The following TNS4 variants were observed in gnomAD, a reference collection of about 807,000 sequenced individuals.
TNS4 encodes tensin 4, also known as tensin-4.
A neutral mutation model predicts 70.4 loss-of-function variants in TNS4; 46 were observed. That is an observed-to-expected ratio of 0.65 (90% CI 0.52 to 0.84). The LOEUF is 0.84. Among genes scored for constraint, TNS4 ranks in the 40% least tolerant of loss-of-function variants. The pLI is 0.00. For synonymous variants in TNS4, 390 were observed against 366.6 expected, an observed-to-expected ratio of 1.06 and a Z score of -0.73; for missense variants, 863 against 907.0, an observed-to-expected ratio of 0.95 and a Z score of 0.62.
intron 11 of TNS4, 38 bp from the exon 12 acceptor site, chr17:40,478,371 C>T (rs200684294): frequency 2.4e-5 from 39 of 1,606,060 alleles, no homozygotes; most frequent in African/African-American, 4.0e-5. Flanking sequence ...AATGAGGCTT[C>T]GCTCCATGCC....
chr17:40,484,675 G>A (rs1210773821), intron 5 of TNS4, 66 bp from the exon 6 acceptor site: 1 of 1,595,068 alleles, frequency 6.3e-7, no homozygotes, highest in African/African-American at 1.3e-5. Flanking sequence ...CAGCCCCGTA[G>A]GGTCTTCACA....
chr17:40,488,597 A>T lies in TNS4; in HGVS notation c.812T>A (p.Ile271Asn). 6.6e-7 allele frequency: 1 copy of T among 1,514,236 alleles called. No homozygotes were observed. Among genetic ancestry groups the T allele is most frequent in the Non-Finnish European group, 8.8e-7 (1 of 1,131,442 alleles). The allele number at this position is 1,514,236 out of a possible 1,614,324, so 93.8% of individuals were successfully genotyped here. A position where few individuals can be genotyped will look rare whatever the true frequency, so the allele number is the denominator to read the frequency against. ...CACTGGGCTGGCTGACAGCACAGAGATCCTGCTGCCCCGCTGTGGGGCCAG... is the reference window on the plus strand; with the variant it reads ...CACTGGGCTGGCTGACAGCACAGAGTTCCTGCTGCCCCGCTGTGGGGCCAG... ...GGLAPQRGSR[I>N]SVLSASPVSD... is the part of the protein sequence containing the mutation. The change falls in exon 3 of 13, where the codon ATC becomes AAC. Residue 271 changes from isoleucine to asparagine, a missense_variant. By Grantham distance (149) the Ile-to-Asn change is moderately radical. Transcript: ENST00000254051.
chr17:40,477,683 C>A lies in TNS4; in HGVS notation c.2053G>T (p.Val685Leu). 2 of 1,613,744 alleles carry A rather than the reference C, an allele frequency of 1.2e-6. No individual in the cohort carries two copies. The highest frequency in any genetic ancestry group is 1.7e-6 in the Non-Finnish European group (2 of 1,179,922). Residue 685 changes from valine (V) to leucine (L), a missense_variant, in exon 13 of 13, where the codon GTA becomes TTA. Transcript: ENST00000254051. ...TCATACTCCGCAAAGAGGTGGCATA[C>A]GTTCTCCTGAGGCTCTGTCTGGCTC... Reference protein sequence around the residue: ...AKSQTEPQENVCHLFAEYDMV... With the variant: ...AKSQTEPQENLCHLFAEYDMV...
chr17:40,496,639 C>T (rs2036149378), intron 1 of TNS4, 119 bp from the exon 2 acceptor site: 4 of 565,742 alleles, frequency 7.1e-6, no homozygotes, highest in Non-Finnish European at 9.1e-6. Context: ...GGAGCCAGAC[C>T]ACCTGAGTTT....
At chr17:40,500,223 T>G (rs2036194500) in intron 1 of TNS4, among the ~76,000 whole-genome samples, 1 of 152,150 alleles carries the variant, frequency 6.6e-6, no homozygotes, top group Admixed American at 6.5e-5. Context: ...CCGCTGCCCC[T>G]TCTGGGATTC....
At chr17:40,501,125 A>C (rs2036209364) in intron 1 of TNS4, among the ~76,000 whole-genome samples, 1 of 151,584 alleles carries the variant, frequency 6.6e-6, no homozygotes, top group Admixed American at 6.6e-5. Context: ...CCCCACCTTC[A>C]CTCTGAGCCC....
At chr17:40,486,890 C>A in intron 4 of TNS4, 146 bp downstream of exon 4, 1 of 1,057,812 alleles carries the variant, frequency 9.5e-7, no homozygotes, top group African/African-American at 1.6e-5. Flanking sequence ...TAAACTGTTT[C>A]CCTCTGTGTG....
chr17:40,489,064 C>G, intron 2 of TNS4, 95 bp from the exon 3 acceptor site: 1 of 1,243,938 alleles, frequency 8.0e-7, no homozygotes, highest in Non-Finnish European at 1.1e-6. Flanking sequence ...TTCTGTCCCC[C>G]CTCTTTTATA....
Position 40,496,532 on chromosome 17 carries a change from C to A in TNS4, c.-95-12G>T. 1 of 1,215,090 alleles carries A rather than the reference C, an allele frequency of 8.2e-7. No homozygotes were observed. The highest frequency in any genetic ancestry group is 1.1e-6 in the Non-Finnish European group (1 of 893,234). 75.3% of individuals were successfully genotyped at this position (1,215,090 alleles called of 1,614,324 possible). A position where few individuals can be genotyped will look rare whatever the true frequency, so the allele number is the denominator to read the frequency against. On this transcript the variant is annotated splice_polypyrimidine_tract_variant and intron_variant, in intron 1 of 12. Coordinates refer to ENST00000254051, the MANE Select transcript of TNS4 (RefSeq NM_032865.6). ...GGAGCTCCCAGGATCTGAAAGAGTC[C>A]AAGAGTGGGAACGGAGTAATTTCTG...
At position 40,499,704 on chromosome 17, in the gene TNS4, TCCCG is replaced by T. The variant is rs1431952633; in HGVS notation, c.-96+1826_-96+1829del. Among the ~76,000 whole-genome samples the T allele has an allele frequency of 5.9e-5, 9 of 152,314 alleles. No homozygotes were observed. In the East Asian group the frequency reaches 1.7e-3, roughly 29 times the overall value. ...AGTGGAAGGGAGCCGGCCTCTGCGC[TCCCG>T]CCCTCCCGGGACAGCTGAGGACACA... On this transcript the variant is annotated intron_variant, in intron 1 of 12. Coordinates refer to ENST00000254051, the MANE Select transcript of TNS4 (RefSeq NM_032865.6).
intron 3 of TNS4, among the ~76,000 whole-genome samples, chr17:40,487,840 T>A (rs1490681159): frequency 6.6e-6 from 1 of 152,194 alleles, no homozygotes; most frequent in Non-Finnish European, 1.5e-5. Context: ...GAACCTACGC[T>A]GGACCACACC....
In TNS4 at chr17:40,487,044, C is replaced by T. The variant is rs1287499867; in HGVS notation, c.1280G>A (p.Cys427Tyr). ...QTLSDAPFTT[C>Y]PEGPARDMQP... ...ATTGGTTTACGACGTACCCTCTGGG[C>T]ATGTGGTAAAGGGGGCATCTGACAG... Residue 427 changes from cysteine to tyrosine, a missense_variant, in exon 4 of 13, where the codon TGC (cysteine) becomes TAC (tyrosine). Physicochemically the swap from Cys to Tyr is radical, Grantham distance 194. Transcript: ENST00000254051. 1 of 1,613,760 alleles carries T rather than the reference C, an allele frequency of 6.2e-7. No individual in the cohort carries two copies. Among genetic ancestry groups the T allele is most frequent in the Non-Finnish European group, 8.5e-7 (1 of 1,179,682 alleles).
chr17:40,475,845 C>T lies in TNS4; in HGVS notation c.*1743G>A, dbSNP rs892361253. 2 of 152,214 alleles carry T rather than the reference C, an allele frequency of 1.3e-5. No homozygotes were observed. The highest frequency in any genetic ancestry group is 4.8e-5 in the African/African-American group (2 of 41,456). 9.4% of individuals were successfully genotyped at this position (152,214 alleles called of 1,614,324 possible). Reference sequence around the variant, plus strand: ...CTCAGAACTTACTGTTTTGCAAAGACAAACATTTTATTTTTCATGATAGGA... The same window carrying T: ...CTCAGAACTTACTGTTTTGCAAAGATAAACATTTTATTTTTCATGATAGGA... On this transcript the variant is annotated 3_prime_UTR_variant, in exon 13 of 13. Transcript: ENST00000254051.
chr17:40,487,907 C>T (rs774767639), intron 3 of TNS4, among the ~76,000 whole-genome samples: 7 of 152,258 alleles, frequency 4.6e-5, no homozygotes, highest in Non-Finnish European at 8.8e-5. Flanking sequence ...TCACATCCAG[C>T]CAGACTTCTT....
Position 40,498,607 on chromosome 17 carries a change from A to G in TNS4, c.-95-2087T>C, listed in dbSNP as rs554949495. Among the ~76,000 whole-genome samples the G allele has an allele frequency of 3.9e-5, 6 of 152,128 alleles. No homozygotes were observed. The South Asian group carries it at 1.2e-3, about 32-fold the overall frequency. ...GGTGTCGCTCTGTTGCCCAGGCTAGAGTGCAGTGGCACAGTCATGGCTCAC... is the reference window on the plus strand; with the variant it reads ...GGTGTCGCTCTGTTGCCCAGGCTAGGGTGCAGTGGCACAGTCATGGCTCAC... On this transcript the variant is annotated intron_variant, in intron 1 of 12. Coordinates refer to ENST00000254051, the MANE Select transcript of TNS4 (RefSeq NM_032865.6).
intron 4 of TNS4, 135 bp downstream of exon 4, chr17:40,486,890 CCCTCTGTGTGT>C: frequency 9.5e-7 from 1 of 1,057,812 alleles, no homozygotes; most frequent in East Asian, 2.4e-5. Context: ...TAAACTGTTT[CCCTCTGTGTGT>C]CCTCACTACC....
chr17:40,485,883 C>T (rs541323849), intron 4 of TNS4, among the ~76,000 whole-genome samples: 9 of 152,328 alleles, frequency 5.9e-5, no homozygotes, highest in South Asian at 2.1e-4. Flanking sequence ...CCTAGGAAAG[C>T]GATCAGGGCA....
rs372953004 is a variant in TNS4, at chr17:40,479,862, C to G, written c.1742-20G>C. ...GGCAGCCTGTGGGAGGCAGACACTG[C>G]GCTGGGGCCACTGACCCAGGGCCCA... On this transcript the variant is annotated intron_variant, in intron 9 of 12. Transcript: ENST00000254051. The G allele has an allele frequency of 1.9e-6, 3 of 1,594,980 alleles. No individual in the cohort carries two copies. The highest frequency in any genetic ancestry group is 1.8e-5 in the Admixed American group (1 of 57,134).
At chr17:40,482,780 C>T (rs145441626) in intron 6 of TNS4, among the ~76,000 whole-genome samples, 8 of 150,506 alleles carry the variant, frequency 5.3e-5, no homozygotes, top group Admixed American at 2.0e-4. Flanking sequence ...TCTGTCTCAC[C>T]GGAAAAAAAA....
Sources: allele counts gnomAD v4.1 joint callset (sites outside exome capture counted in the v4.1 genomes callset), GRCh38; gene constraint gnomAD v4.1.1; transcripts MANE v1.5; gene names NCBI Gene and HGNC (gene_info 2026-07-23, HGNC 2026-07-21).